PRKX: variants seen among roughly 807,000 people sequenced by gnomAD.
PRKX encodes protein kinase cAMP-dependent X-linked catalytic subunit.
A neutral mutation model predicts 22.0 loss-of-function variants in PRKX; 12 were observed. The observed-to-expected ratio is 0.54, with a 90% CI of 0.35 to 0.88. PRKX has a LOEUF of 0.88. Ranked by LOEUF, PRKX falls within the 40% of genes least tolerant of loss-of-function variation. PRKX has a pLI of 0.01. For synonymous variants in PRKX, 134 were observed against 137.7 expected (o/e 0.97, Z 0.19); for missense variants, 217 against 308.0 (o/e 0.70, Z 2.21).
At chrX:3,654,473 T>G (rs2398585) in intron 3 of PRKX, among the ~76,000 whole-genome samples, 29,846 of 98,467 alleles carry the variant, frequency 0.3, 4,154 homozygotes, top group East Asian at 0.62. Context: ...TTTTTTTTTT[T>G]TTTTGTTTTG....
chrX:3,687,798 C>T (rs1470939274), intron 1 of PRKX, among the ~76,000 whole-genome samples: 2 of 111,356 alleles, frequency 1.8e-5, no homozygotes, highest in African/African-American at 3.3e-5. Flanking sequence ...AATGTTGAGA[C>T]ATCATGACCA....
intron 5 of PRKX, among the ~76,000 whole-genome samples, chrX:3,623,839 T>C (rs1220060083): frequency 2.7e-5 from 3 of 111,770 alleles, no homozygotes; most frequent in Non-Finnish European, 5.6e-5. Context: ...CACCGGCAGA[T>C]AATACCTCTA....
chrX:3,654,020 TTA>T (rs1218116142), intron 3 of PRKX, among the ~76,000 whole-genome samples: 1 of 82,005 alleles, frequency 1.2e-5, no homozygotes, highest in Non-Finnish European at 2.1e-5. Flanking sequence ...ACTATATATA[TTA>T]TATACTATGT....
Position 3,630,909 on chromosome X carries a change from G to A in PRKX, c.720-4395C>T, listed in dbSNP as rs1020299949. 4.5e-5 allele frequency among the ~76,000 whole-genome samples: 5 copies of A among 111,875 alleles called. No individual in the cohort carries two copies. In the Admixed American group the frequency reaches 4.8e-4, roughly 11 times the overall value. On this transcript the variant is annotated intron_variant, in intron 4 of 8. Coordinates refer to ENST00000262848, the MANE Select transcript of PRKX (RefSeq NM_005044.5). ...GCCAAACCATTTCATCAACCAGTAAGTGTATACTAGACACTTACATGTCCG... is the reference window on the plus strand; with the variant it reads ...GCCAAACCATTTCATCAACCAGTAAATGTATACTAGACACTTACATGTCCG...
At chrX:3,639,713 G>C (rs1009762388) in intron 4 of PRKX, among the ~76,000 whole-genome samples, 4 of 110,969 alleles carry the variant, frequency 3.6e-5, no homozygotes, top group African/African-American at 1.3e-4. Flanking sequence ...TCCTCCTGCG[G>C]CATCTCAGGC....
chrX:3,653,486 G>T (rs1927381573), intron 3 of PRKX, among the ~76,000 whole-genome samples: 1 of 107,253 alleles, frequency 9.3e-6, no homozygotes, highest in South Asian at 3.9e-4. Flanking sequence ...GGGCCGTGGG[G>T]TGCCCAGATG....
Position 3,713,233 on chromosome X carries a change from G to A in PRKX, c.21C>T (p.Ala7=). 7.6e-6 allele frequency: 8 copies of A among 1,055,373 alleles called. No homozygotes were observed. The highest frequency in any genetic ancestry group is 9.6e-6 in the Non-Finnish European group (8 of 830,249). The allele number at this position is 1,055,373 out of a possible 1,213,427, so 87.0% of individuals were successfully genotyped here. A position where few individuals can be genotyped will look rare whatever the true frequency, so the allele number is the denominator to read the frequency against. ...AGTCGCTCTCCGCCGCGGCCGCCTGGGCCAGCCCGGGCGCCTCCATGGGGA... is the reference window on the plus strand; with the variant it reads ...AGTCGCTCTCCGCCGCGGCCGCCTGAGCCAGCCCGGGCGCCTCCATGGGGA... MEAPGL[A]QAAAAESDSR... The change falls in exon 1 of 9, where the codon GCC becomes GCT. Residue 7 remains alanine, a synonymous_variant. Transcript: ENST00000262848.
intron 2 of PRKX, among the ~76,000 whole-genome samples, chrX:3,656,519 T>C (rs1415676666): frequency 9.0e-6 from 1 of 111,267 alleles, no homozygotes; most frequent in East Asian, 2.8e-4. Flanking sequence ...TATGTAGGTG[T>C]AGATAGATGC....
At chrX:3,685,612 A>C (rs6641608) in intron 1 of PRKX, among the ~76,000 whole-genome samples, 1 of 110,442 alleles carries the variant, frequency 9.1e-6, no homozygotes, top group African/African-American at 3.3e-5. Flanking sequence ...CCCATGTGGC[A>C]GTGGTTACCC....
At chrX:3,663,020 A>AAAT (rs1927636130) in intron 2 of PRKX, among the ~76,000 whole-genome samples, 1 of 103,426 alleles carries the variant, frequency 9.7e-6, no homozygotes, top group South Asian at 4.5e-4. Context: ...AAAAAAAAAA[A>AAAT]TTAGAGATGG....
chrX:3,669,467 T>C (rs1391718021), intron 2 of PRKX, among the ~76,000 whole-genome samples: 1 of 111,773 alleles, frequency 8.9e-6, no homozygotes, highest in African/African-American at 3.2e-5. Context: ...TCGTCATAGA[T>C]GGGATGGGTG....
At position 3,656,586 on chromosome X, in the gene PRKX, C is replaced by A. The variant is rs562718216; in HGVS notation, c.336-1174G>T. Among the ~76,000 whole-genome samples the A allele has an allele frequency of 6.9e-4, 77 of 111,028 alleles. No homozygotes were observed. The South Asian group carries it at 0.029, about 41-fold the overall frequency. The stretch of plus-strand genomic sequence containing the variant: ...GCATACAGACAGATGTTAGGATATG[C>A]GTGTGTGTAGATGTGACTCTACAGG... On this transcript the variant is annotated intron_variant, in intron 2 of 8. Transcript: ENST00000262848.
Position 3,713,301 on chromosome X carries a change from G to GGCCC in PRKX, c.-49_-48insGGGC. ...CACCGGGCCAGGCCGGAGCGCTCGGGGAGCCGGGCTTCCCGGGACGCAGCC... is the reference window on the plus strand; with the variant it reads ...CACCGGGCCAGGCCGGAGCGCTCGGGGCCCGAGCCGGGCTTCCCGGGACGCAGCC... On this transcript the variant is annotated 5_prime_UTR_variant, in exon 1 of 9. Coordinates refer to ENST00000262848, the MANE Select transcript of PRKX (RefSeq NM_005044.5). The GGCCC allele has an allele frequency of 3.2e-6, 3 of 945,125 alleles. No homozygotes were observed. The highest frequency in any genetic ancestry group is 4.0e-6 in the Non-Finnish European group (3 of 757,265). The allele number at this position is 945,125 out of a possible 1,213,427, so 77.9% of individuals were successfully genotyped here.
chrX:3,677,018 A>G (rs1927971131), intron 1 of PRKX, among the ~76,000 whole-genome samples: 1 of 111,689 alleles, frequency 9.0e-6, no homozygotes, highest in Admixed American at 9.6e-5. Context: ...AGTCTCAGGT[A>G]TGTCTTCATT....
chrX:3,712,448 A>G (rs768126402), intron 1 of PRKX, among the ~76,000 whole-genome samples: 30 of 111,526 alleles, frequency 2.7e-4, no homozygotes, highest in Non-Finnish European at 4.1e-4. Flanking sequence ...AAGACAGAGG[A>G]CAAAGGAAAC....
At chrX:3,689,831 G>A (rs6641854) in intron 1 of PRKX, among the ~76,000 whole-genome samples, 2 of 111,471 alleles carry the variant, frequency 1.8e-5, no homozygotes, top group African/African-American at 6.5e-5. Flanking sequence ...CAAAAAATTA[G>A]CCGAGTGTGG....
rs988534817 is a variant in PRKX at position 3,681,668 on chromosome X, A to G, written c.167-6902T>C. 9.0e-5 allele frequency among the ~76,000 whole-genome samples: 8 copies of G among 89,116 alleles called. 1 individual carries two copies. The highest frequency in any genetic ancestry group is 5.8e-4 in the South Asian group (1 of 1,731). The allele number at this position is 89,116 out of a possible 115,157, so 77.4% of individuals were successfully genotyped here. Reference sequence around the variant, plus strand: ...TGTCTCAAAAAAAAATTTTTTTTAAATAATAAATATATCTCTCTTGGTTCA... The same window carrying G: ...TGTCTCAAAAAAAAATTTTTTTTAAGTAATAAATATATCTCTCTTGGTTCA... On this transcript the variant is annotated intron_variant, in intron 1 of 8. Coordinates refer to ENST00000262848, the MANE Select transcript of PRKX (RefSeq NM_005044.5).
At chrX:3,681,264 G>A (rs1603474521) in intron 1 of PRKX, among the ~76,000 whole-genome samples, 1 of 107,645 alleles carries the variant, frequency 9.3e-6, no homozygotes, top group Admixed American at 9.9e-5. Flanking sequence ...TGCACCTGGA[G>A]TCCCAACTGC....
chrX:3,617,415 A>G (rs1173768739), intron 6 of PRKX, among the ~76,000 whole-genome samples: 2 of 110,013 alleles, frequency 1.8e-5, no homozygotes, highest in Non-Finnish European at 3.8e-5. Flanking sequence ...AGGCCGAGGC[A>G]GGAGGACTGC....
Sources: gnomAD v4.1 joint callset for allele counts (sites outside exome capture counted in the v4.1 genomes callset) on GRCh38, gnomAD v4.1.1 for gene constraint, MANE v1.5 for transcripts, NCBI Gene and HGNC (gene_info 2026-07-23, HGNC 2026-07-21) for gene names.